The following SLC8B1 variants were observed in gnomAD, a reference collection of about 807,000 sequenced individuals.
SLC8B1 encodes the protein mitochondrial sodium/calcium exchanger protein.
SLC8B1 carries 52 observed loss-of-function variants against 63.4 expected under a neutral mutation model. The observed-to-expected ratio is 0.82, with a 90% confidence interval of 0.66 to 1.03. The LOEUF is 1.03. Ranked by LOEUF, SLC8B1 falls within the 50% of genes least tolerant of loss-of-function variation. The pLI is 0.00. For missense variants in SLC8B1, 657 were observed against 741.7 expected, an observed-to-expected ratio of 0.89 and a Z score of 1.33; for synonymous variants, 336 against 323.9, an observed-to-expected ratio of 1.04 and a Z score of -0.40.
At position 113,321,341 on chromosome 12, in the gene SLC8B1, T is replaced by A; in HGVS notation, c.164A>T (p.Lys55Met). ...GTCAGAGACATTCAGGCCACACACC[T>A]TGCGGCACTGCAGGAAGACAGGGAG... ...VNQTPVVDCR[K>M]VCGLNVSDRC... The change falls in exon 3 of 16, where the codon AAG (lysine) becomes ATG (methionine). Residue 55 changes from lysine (K) to methionine (M), a missense_variant. Transcript: ENST00000680972. 6.2e-7 allele frequency: 1 copy of A among 1,614,114 alleles called. No individual in the cohort carries two copies.
In SLC8B1 at chr12:113,316,468, G is replaced by A. The variant is rs115328394; in HGVS notation, c.993+58C>T. On this transcript the variant is annotated intron_variant, in intron 10 of 15. Coordinates refer to ENST00000680972, the MANE Select transcript of SLC8B1 (RefSeq NM_001358345.2). ...CCCTCGTAGAGCTGGAGAGGGTAGC[G>A]TGGCCACTGTCTTGCTGCTGTCAGA... 1.4e-3 allele frequency: 2,254 copies of A among 1,586,978 alleles called. 30 individuals carry two copies. In the African/African-American group the frequency reaches 0.023, roughly 16 times the overall value.
chr12:113,306,066 CAAAAAAAAAAA>C lies in SLC8B1; in HGVS notation c.1492+418_1492+428del, dbSNP rs60824560. ...CGAGCCAGACTCCGTCCCCACCCTGCAAAAAAAAAAAAAAAAAAAAAAAAAAAAGAATTCTC... is the reference window on the plus strand; with the variant it reads ...CGAGCCAGACTCCGTCCCCACCCTGCAAAAAAAAAAAAAAAAAGAATTCTC... On this transcript the variant is annotated intron_variant, in intron 14 of 15. Coordinates refer to ENST00000680972, the MANE Select transcript of SLC8B1 (RefSeq NM_001358345.2). 7.7e-4 allele frequency among the ~76,000 whole-genome samples: 14 copies of C among 18,088 alleles called. No homozygotes were observed. In the Admixed American group the frequency reaches 9.0e-3, roughly 12 times the overall value. The allele number at this position is 18,088 out of a possible 152,430, so 11.9% of individuals were successfully genotyped here.
Position 113,321,360 on chromosome 12 carries a change from C to G in SLC8B1, c.157-12G>C. ...CACACCTTGCGGCACTGCAGGAAGA[C>G]AGGGAGGGGGACATCAGCGGCAGAG... On this transcript the variant is annotated splice_polypyrimidine_tract_variant and intron_variant, in intron 2 of 15. Transcript: ENST00000680972. The G allele has an allele frequency of 6.2e-7, 1 of 1,614,138 alleles. No homozygotes were observed. The highest frequency in any genetic ancestry group is 8.5e-7 in the Non-Finnish European group (1 of 1,180,012).
intron 15 of SLC8B1, among the ~76,000 whole-genome samples, chr12:113,300,685 C>T (rs1243805768): frequency 1.3e-5 from 2 of 152,220 alleles, no homozygotes; most frequent in African/African-American, 4.8e-5. Context: ...AAGGAACCTT[C>T]TCTTCCAACT....
chr12:113,302,984 C>T (rs1956612086), intron 15 of SLC8B1, among the ~76,000 whole-genome samples: 2 of 151,148 alleles, frequency 1.3e-5, no homozygotes, highest in South Asian at 4.2e-4. Context: ...TTCCTAAACT[C>T]AGCACAAAGG....
Position 113,320,154 on chromosome 12 carries a change from G to T in SLC8B1, c.694+177C>A, listed in dbSNP as rs1210737112. 3 of 734,638 alleles carry T rather than the reference G, an allele frequency of 4.1e-6. No individual in the cohort carries two copies. Among genetic ancestry groups the T allele is most frequent in the African/African-American group, 3.5e-5 (2 of 56,416 alleles). The allele number at this position is 734,638 out of a possible 1,614,324, so 45.5% of individuals were successfully genotyped here. A position where few individuals can be genotyped will look rare whatever the true frequency, so the allele number is the denominator to read the frequency against. Reference sequence around the variant, plus strand: ...CCCCCAGCTCTGCCAGGCCTCTTTGGTTATGTGACCCACATGTTCCCATTT... The same window carrying T: ...CCCCCAGCTCTGCCAGGCCTCTTTGTTTATGTGACCCACATGTTCCCATTT... On this transcript the variant is annotated intron_variant, in intron 7 of 15. Coordinates refer to ENST00000680972, the MANE Select transcript of SLC8B1 (RefSeq NM_001358345.2). This position sits in a 1 kb window ranked among gnomAD's most constrained non-coding sequence, Gnocchi z 5.3.
At chr12:113,301,729 C>T (rs186555224) in intron 15 of SLC8B1, among the ~76,000 whole-genome samples, 24 of 152,268 alleles carry the variant, frequency 1.6e-4, no homozygotes, top group Admixed American at 1.0e-3. Context: ...CAGGCACTGT[C>T]GTCTTTGATC....
intron 15 of SLC8B1, among the ~76,000 whole-genome samples, chr12:113,303,141 A>ACACACACACACACACACGCG (rs773636454): frequency 3.8e-4 from 55 of 145,746 alleles, no homozygotes; most frequent in African/African-American, 1.4e-3. Flanking sequence ...ACACACACAC[A>ACACACACACACACACACGCG]CGCGCGCGCA....
intron 2 of SLC8B1, among the ~76,000 whole-genome samples, chr12:113,326,947 T>C (rs979232240): frequency 3.9e-5 from 6 of 152,142 alleles, no homozygotes; most frequent in African/African-American, 1.4e-4. Flanking sequence ...CACCAAAACA[T>C]GCAGATGCAA....
chr12:113,322,052 G>C (rs1014549651), intron 2 of SLC8B1, among the ~76,000 whole-genome samples: 8 of 152,024 alleles, frequency 5.3e-5, no homozygotes, highest in Non-Finnish European at 2.9e-5. Flanking sequence ...TAAAAAATTA[G>C]GTAGGCATGG....
chr12:113,305,316 G>T lies in SLC8B1; in HGVS notation c.1493-931C>A, dbSNP rs1179525058. ...CTTGCTCAGCCTGGGAGTTAAAAGGGCAGGCATCACTGTCTCCGCAGTTAG... is the reference window on the plus strand; with the variant it reads ...CTTGCTCAGCCTGGGAGTTAAAAGGTCAGGCATCACTGTCTCCGCAGTTAG... On this transcript the variant is annotated intron_variant, in intron 14 of 15. Coordinates refer to ENST00000680972, the MANE Select transcript of SLC8B1 (RefSeq NM_001358345.2). This position sits in a 1 kb window ranked among gnomAD's most constrained non-coding sequence, Gnocchi z 4.3. 6.6e-6 allele frequency among the ~76,000 whole-genome samples: 1 copy of T among 152,252 alleles called. No homozygotes were observed. The highest frequency in any genetic ancestry group is 6.5e-5 in the Admixed American group (1 of 15,286).
intron 15 of SLC8B1, among the ~76,000 whole-genome samples, chr12:113,303,393 T>C (rs1956625802): frequency 6.6e-6 from 1 of 152,152 alleles, no homozygotes; most frequent in Non-Finnish European, 1.5e-5. Flanking sequence ...GCCGAGAGCC[T>C]ATTCAACAAC....
chr12:113,323,031 T>A (rs1956952685), intron 2 of SLC8B1, among the ~76,000 whole-genome samples: 1 of 152,150 alleles, frequency 6.6e-6, no homozygotes, highest in South Asian at 2.1e-4. Context: ...GTTGAGCCAG[T>A]TACCACCACC....
At position 113,320,239 on chromosome 12, in the gene SLC8B1, G is replaced by A. The variant is rs1415901450; in HGVS notation, c.694+92C>T. The A allele has an allele frequency of 1.4e-6, 2 of 1,443,182 alleles. No individual in the cohort carries two copies. Among genetic ancestry groups the A allele is most frequent in the African/African-American group, 2.8e-5 (2 of 70,176 alleles). The allele number at this position is 1,443,182 out of a possible 1,614,324, so 89.4% of individuals were successfully genotyped here. On this transcript the variant is annotated intron_variant, in intron 7 of 15. Transcript: ENST00000680972. The surrounding 1 kb of genome is among the most constrained non-coding windows in gnomAD (Gnocchi z 5.3). Reference sequence around the variant, plus strand: ...TTGTAATCAAATCAAAGCCCCCACTGACCACCCCTCACACCTCTCTGTCCC... The same window carrying A: ...TTGTAATCAAATCAAAGCCCCCACTAACCACCCCTCACACCTCTCTGTCCC...
intron 2 of SLC8B1, among the ~76,000 whole-genome samples, chr12:113,327,919 A>T (rs913371305): frequency 4.0e-5 from 6 of 148,922 alleles, no homozygotes; most frequent in Admixed American, 1.3e-4. Context: ...CAGAGGTTGC[A>T]GTGAGCTGAG....
At chr12:113,325,116 T>G (rs1357380437) in intron 2 of SLC8B1, among the ~76,000 whole-genome samples, 1 of 152,200 alleles carries the variant, frequency 6.6e-6, no homozygotes, top group Non-Finnish European at 1.5e-5. Flanking sequence ...AAGAATCAAA[T>G]GAGATTACAG....
chr12:113,332,509 C>A (rs140813007), intron 2 of SLC8B1, among the ~76,000 whole-genome samples: 26 of 152,302 alleles, frequency 1.7e-4, no homozygotes, highest in Admixed American at 1.2e-3. Flanking sequence ...AAGTGATCCT[C>A]CTGCCTTGGC....
In SLC8B1 at chr12:113,305,082, A is replaced by G. The variant is rs1452594306; in HGVS notation, c.1493-697T>C. Among the ~76,000 whole-genome samples the G allele has an allele frequency of 6.6e-6, 1 of 152,218 alleles. No individual in the cohort carries two copies. Reference sequence around the variant, plus strand: ...GTGCCAGGAATGCTTGGCGCATGTAAGCACTCAGTAGGTGGGGAAACCGAG... The same window carrying G: ...GTGCCAGGAATGCTTGGCGCATGTAGGCACTCAGTAGGTGGGGAAACCGAG... On this transcript the variant is annotated intron_variant, in intron 14 of 15. Coordinates refer to ENST00000680972, the MANE Select transcript of SLC8B1 (RefSeq NM_001358345.2). The surrounding 1 kb of genome is among the most constrained non-coding windows in gnomAD (Gnocchi z 4.3).
At chr12:113,316,410 T>C in intron 10 of SLC8B1, 116 bp downstream of exon 10, 1 of 1,325,186 alleles carries the variant, frequency 7.5e-7, no homozygotes, top group Non-Finnish European at 1.0e-6. Flanking sequence ...AGTCATGTAT[T>C]CTGAGAGGGT....
Sources: gnomAD v4.1 joint callset for allele counts (sites outside exome capture counted in the v4.1 genomes callset) on GRCh38, gnomAD v4.1.1 for gene constraint, Gnocchi (gnomAD v3.1) non-coding constraint, MANE v1.5 for transcripts, NCBI Gene and HGNC (gene_info 2026-07-23, HGNC 2026-07-21) for gene names.